FYTTD1: variants seen among roughly 807,000 people sequenced by gnomAD.
The protein encoded by FYTTD1 is forty-two-three domain containing 1, also known as UAP56-interacting factor.
In FYTTD1, 22 loss-of-function variants were observed where a neutral mutation model predicts 40.9. That is an observed-to-expected ratio of 0.54 (90% CI 0.38 to 0.77). The LOEUF (loss-of-function observed/expected upper bound fraction) is 0.77. Ranked by LOEUF, FYTTD1 falls within the 30% of genes least tolerant of loss-of-function variation. FYTTD1 has a pLI of 0.00. For synonymous variants in FYTTD1, 140 were observed against 137.9 expected (o/e 1.01, Z -0.10); for missense variants, 351 against 392.2 (o/e 0.90, Z 0.89).
In FYTTD1 at chr3:197,787,335, C is replaced by T. The variant is rs1235918484; in HGVS notation, c.*5426C>T. ...GCCAGTCTAGTCTCAAACTCCTGACCTCAGGTGATATGCCCGCCTCTGACT... is the reference window on the plus strand; with the variant it reads ...GCCAGTCTAGTCTCAAACTCCTGACTTCAGGTGATATGCCCGCCTCTGACT... On this transcript the variant is annotated 3_prime_UTR_variant, in exon 9 of 9. Coordinates refer to ENST00000241502, the MANE Select transcript of FYTTD1 (RefSeq NM_032288.7). 6.6e-6 allele frequency: 1 copy of T among 152,100 alleles called. No individual in the cohort carries two copies. The highest frequency in any genetic ancestry group is 1.5e-5 in the Non-Finnish European group (1 of 68,094). The allele number at this position is 152,100 out of a possible 1,614,324, so 9.4% of individuals were successfully genotyped here.
At chr3:197,754,544 TAG>T (rs544489297) in intron 1 of FYTTD1, among the ~76,000 whole-genome samples, 115 of 152,274 alleles carry the variant, frequency 7.6e-4, no homozygotes, top group Middle Eastern at 6.8e-3. Flanking sequence ...ATTAGTTTCA[TAG>T]AGTTTTATTA....
At position 197,764,467 on chromosome 3, in the gene FYTTD1, T is replaced by C. The variant is rs1339282914; in HGVS notation, c.236-3972T>C. On this transcript the variant is annotated intron_variant, in intron 2 of 8. Transcript: ENST00000241502. ...GCTCACGCCAGTAATCCCAGCACTT[T>C]GGGAGGCCGAGGTGGGCAGATTACG... is the stretch of plus-strand genomic sequence containing the variant. Among the ~76,000 whole-genome samples the C allele has an allele frequency of 2.6e-5, 4 of 152,088 alleles. No homozygotes were observed. In the East Asian group the frequency reaches 7.7e-4, roughly 29 times the overall value.
rs190429909 is a variant in FYTTD1, at chr3:197,764,860, T to G, written c.236-3579T>G. On this transcript the variant is annotated intron_variant, in intron 2 of 8. Transcript: ENST00000241502. ...AGTTCTATTCCATACTTTTTTTTTT[T>G]GGGGGGGGAGGATGGAGTCTTGCCC... Among the ~76,000 whole-genome samples, 1,364 of 149,046 alleles carry G rather than the reference T, an allele frequency of 9.2e-3. 11 individuals carry two copies. The highest frequency in any genetic ancestry group is 0.029 in the African/African-American group (1,154 of 39,846).
rs1223012004 is a variant in FYTTD1 at position 197,760,935 on chromosome 3, G to A, written c.235+4378G>A. 6.8e-5 allele frequency among the ~76,000 whole-genome samples: 10 copies of A among 146,120 alleles called. 1 individual carries two copies. The highest frequency in any genetic ancestry group is 2.7e-4 in the African/African-American group (10 of 37,182). On this transcript the variant is annotated intron_variant, in intron 2 of 8. Coordinates refer to ENST00000241502, the MANE Select transcript of FYTTD1 (RefSeq NM_032288.7). ...TAGAACTTATGGAGTGTTCTTCAGT[G>A]GTAGAATGTATAGAGTGTTCTTCAG... is the stretch of plus-strand genomic sequence containing the variant.
At chr3:197,773,694 T>C (rs1347432931) in intron 5 of FYTTD1, among the ~76,000 whole-genome samples, 195 bp downstream of exon 5, 1 of 152,224 alleles carries the variant, frequency 6.6e-6, no homozygotes, top group African/African-American at 2.4e-5. Context: ...AGCAATGTCT[T>C]ATAAGAATTT....
rs146502104 is a variant in FYTTD1, at chr3:197,753,565, A to G, written c.104-2861A>G. ...TTTTAATTCTGATACCTGTGTATCT[A>G]TTCATTGGGCAGGAGAAAGCCGTTT... On this transcript the variant is annotated intron_variant, in intron 1 of 8. Transcript: ENST00000241502. Among the ~76,000 whole-genome samples the G allele has an allele frequency of 2.7e-3, 405 of 150,786 alleles. 1 individual carries two copies. Among genetic ancestry groups the G allele is most frequent in the African/African-American group, 9.4e-3 (387 of 40,970 alleles).
chr3:197,766,725 C>T (rs118132628), intron 2 of FYTTD1, among the ~76,000 whole-genome samples: 1 of 151,924 alleles, frequency 6.6e-6, no homozygotes, highest in Non-Finnish European at 1.5e-5. Context: ...TTATAGGCAT[C>T]AGCCACCATG....
At chr3:197,765,126 T>TA (rs1208471661) in intron 2 of FYTTD1, among the ~76,000 whole-genome samples, 1 of 152,212 alleles carries the variant, frequency 6.6e-6, no homozygotes, top group African/African-American at 2.4e-5. Flanking sequence ...ATGTTGGAAT[T>TA]ACAGGCGTGA....
intron 1 of FYTTD1, among the ~76,000 whole-genome samples, chr3:197,753,284 C>T (rs1729117346): frequency 2.0e-5 from 3 of 152,112 alleles, no homozygotes; most frequent in Non-Finnish European, 1.5e-5. Flanking sequence ...ACATAGAGTA[C>T]CAAGTTTACC....
At position 197,785,682 on chromosome 3, in the gene FYTTD1, C is replaced by T. The variant is rs1378063510; in HGVS notation, c.*3773C>T. On this transcript the variant is annotated 3_prime_UTR_variant, in exon 9 of 9. Transcript: ENST00000241502. ...TGTAATTCACACAAAGTATACGGGC[C>T]CAGAATAATTTTTGTTGATTTATTT... The T allele has an allele frequency of 6.6e-6, 1 of 151,796 alleles. No homozygotes were observed. The highest frequency in any genetic ancestry group is 1.5e-5 in the Non-Finnish European group (1 of 67,966). 9.4% of individuals were successfully genotyped at this position (151,796 alleles called of 1,614,324 possible).
intron 2 of FYTTD1, among the ~76,000 whole-genome samples, chr3:197,767,866 A>C (rs114525732): frequency 0.025 from 3,868 of 152,314 alleles, 182 homozygotes; most frequent in African/African-American, 0.088. Flanking sequence ...TAGCAAAAGC[A>C]ATTTGAATGG....
rs1162052146 is a variant in FYTTD1, at chr3:197,786,594, C to T, written c.*4685C>T. On this transcript the variant is annotated 3_prime_UTR_variant, in exon 9 of 9. Coordinates refer to ENST00000241502, the MANE Select transcript of FYTTD1 (RefSeq NM_032288.7). ...TTTAATTTCTACTTACTCCATTTCC[C>T]TTTAATGAGAAAAGAATCATATTGT... 6.6e-6 allele frequency: 1 copy of T among 152,050 alleles called. No homozygotes were observed. 9.4% of individuals were successfully genotyped at this position (152,050 alleles called of 1,614,324 possible). A position where few individuals can be genotyped will look rare whatever the true frequency, so the allele number is the denominator to read the frequency against.
intron 2 of FYTTD1, among the ~76,000 whole-genome samples, chr3:197,767,058 T>A (rs909424197): frequency 6.6e-6 from 1 of 151,894 alleles, no homozygotes; most frequent in African/African-American, 2.4e-5. Flanking sequence ...TGAACATGTC[T>A]ATTTTTTAAT....
chr3:197,764,354 G>C (rs533218259), intron 2 of FYTTD1, among the ~76,000 whole-genome samples: 1 of 152,170 alleles, frequency 6.6e-6, no homozygotes, highest in Non-Finnish European at 1.5e-5. Flanking sequence ...AACAGATACA[G>C]CTAATGAAGT....
intron 3 of FYTTD1, 110 bp downstream of exon 3, chr3:197,768,697 G>A: frequency 1.3e-5 from 11 of 816,878 alleles, no homozygotes; most frequent in South Asian, 7.1e-5. Flanking sequence ...TAGTACTTTG[G>A]GACTGATATA....
chr3:197,750,025 G>C lies in FYTTD1; in HGVS notation c.54G>C (p.Pro18=). The C allele has an allele frequency of 6.3e-7, 1 of 1,583,204 alleles. No individual in the cohort carries two copies. The highest frequency in any genetic ancestry group is 1.1e-5 in the South Asian group (1 of 87,914). The change falls in exon 1 of 9, where the codon CCG becomes CCC. Residue 18 remains proline, a synonymous_variant. Coordinates refer to ENST00000241502, the MANE Select transcript of FYTTD1 (RefSeq NM_032288.7). The stretch of plus-strand genomic sequence containing the variant: ...GAGCCACGGCGACTTCTTCGCCGCC[G>C]CCGAAGGCCCGCAGCAATGAAAACC... ...LVGATATSSP[P]PKARSNENLD...
chr3:197,781,694 G>C (rs2109057329), intron 8 of FYTTD1, 117 bp from the exon 9 acceptor site: 4 of 660,940 alleles, frequency 6.1e-6, no homozygotes, highest in Non-Finnish European at 1.0e-5. Context: ...GGAAATTTTA[G>C]CTGTCATTAC....
At chr3:197,763,619 AAAAG>A (rs1406718055) in intron 2 of FYTTD1, 36 of 397,484 alleles carry the variant, frequency 9.1e-5, no homozygotes, top group Non-Finnish European at 1.5e-4. Context: ...TCTACAAAAA[AAAAG>A]AAAGAGTATA....
intron 8 of FYTTD1, among the ~76,000 whole-genome samples, chr3:197,781,417 A>T (rs1481518191): frequency 7.1e-6 from 1 of 141,822 alleles, no homozygotes; most frequent in African/African-American, 2.9e-5. Context: ...GTTGTTAATA[A>T]AAAAAAAAAC....
Sources: gnomAD v4.1 joint callset for allele counts (sites outside exome capture counted in the v4.1 genomes callset) on GRCh38, gnomAD v4.1.1 for gene constraint, MANE v1.5 for transcripts, NCBI Gene and HGNC (gene_info 2026-07-23, HGNC 2026-07-21) for gene names.